The following OLFM2 variants were observed in gnomAD, a reference collection of about 807,000 sequenced individuals.
OLFM2 encodes olfactomedin 2.
OLFM2 carries 20 observed loss-of-function variants against 43.9 expected under a neutral mutation model. The observed-to-expected ratio is 0.46, with a 90% CI of 0.32 to 0.66. The LOEUF is 0.66. Ranked by LOEUF, OLFM2 falls within the 30% of genes least tolerant of loss-of-function variation. The pLI is 0.04. For synonymous variants in OLFM2, 268 were observed against 278.6 expected (o/e 0.96, Z 0.38); for missense variants, 416 against 643.6 (o/e 0.65, Z 3.83).
chr19:9,910,563 AT>A (rs2046819368), intron 1 of OLFM2, among the ~76,000 whole-genome samples: 1 of 152,216 alleles, frequency 6.6e-6, no homozygotes, highest in African/African-American at 2.4e-5. Flanking sequence ...TCTTAAAAAA[AT>A]AGTTTTGTGG....
intron 1 of OLFM2, among the ~76,000 whole-genome samples, chr19:9,886,483 C>T (rs999306839): frequency 2.0e-4 from 30 of 151,754 alleles, no homozygotes; most frequent in Non-Finnish European, 7.4e-5. Context: ...TTGGTATTAC[C>T]GCACTGGGCC....
In OLFM2 at chr19:9,921,912, G is replaced by A. The variant is rs963300734; in HGVS notation, c.63+14392C>T. Among the ~76,000 whole-genome samples the A allele has an allele frequency of 4.6e-5, 7 of 152,074 alleles. No individual in the cohort carries two copies. The South Asian group carries it at 6.2e-4, about 14-fold the overall frequency. The stretch of plus-strand genomic sequence containing the variant: ...AATTTGAGACCAGCCTGGGCAACAC[G>A]GTGAAACACCATCTCTAAAAAAACT... On this transcript the variant is annotated intron_variant, in intron 1 of 5. Coordinates refer to ENST00000264833, the MANE Select transcript of OLFM2 (RefSeq NM_058164.4).
At chr19:9,861,365 C>T (rs935853202) in intron 1 of OLFM2, among the ~76,000 whole-genome samples, 1 of 151,866 alleles carries the variant, frequency 6.6e-6, no homozygotes, top group Non-Finnish European at 1.5e-5. Flanking sequence ...CAGAGTGAGA[C>T]CCTGTCTCAC....
rs543442669 is a variant in OLFM2 at position 9,857,361 on chromosome 19, G to A, written c.482C>T (p.Ala161Val). The change falls in exon 4 of 6, where the codon GCG becomes GTG. Residue 161 changes from alanine (A) to valine (V), a missense_variant. Transcript: ENST00000264833. The surrounding 1 kb of genome is among the most constrained non-coding windows in gnomAD (Gnocchi z 5.7). Reference protein sequence around the residue: ...EEVRNLSGSLAAIQEEMGAYG... With the variant: ...EEVRNLSGSLVAIQEEMGAYG... ...GGCACCCATCTCCTCCTGAATGGCCGCCAGACTGCCGGAGAGATTCCTCAC... is the reference window on the plus strand; with the variant it reads ...GGCACCCATCTCCTCCTGAATGGCCACCAGACTGCCGGAGAGATTCCTCAC... 18 of 1,614,150 alleles carry A rather than the reference G, an allele frequency of 1.1e-5. No homozygotes were observed. The highest frequency in any genetic ancestry group is 4.5e-5 in the East Asian group (2 of 44,876).
rs115884947 is a variant in OLFM2 at position 9,870,772 on chromosome 19, C to A, written c.64-9978G>T. Among the ~76,000 whole-genome samples, 1,214 of 152,296 alleles carry A rather than the reference C, an allele frequency of 8.0e-3. 17 individuals are homozygous for A. Among genetic ancestry groups the A allele is most frequent in the African/African-American group, 0.028 (1,146 of 41,560 alleles). On this transcript the variant is annotated intron_variant, in intron 1 of 5. Transcript: ENST00000264833. ...TCCCTGCCACGCGTTACCCTCCTCTCAAGTCACCCGGGAGGTGGAGGTTGC... is the reference window on the plus strand; with the variant it reads ...TCCCTGCCACGCGTTACCCTCCTCTAAAGTCACCCGGGAGGTGGAGGTTGC...
chr19:9,901,152 GAAAA>G (rs1397093030), intron 1 of OLFM2, among the ~76,000 whole-genome samples: 2 of 137,022 alleles, frequency 1.5e-5, no homozygotes, highest in Non-Finnish European at 3.1e-5. Flanking sequence ...AAGAAGGAAA[GAAAA>G]AGAAAGAAAG....
Position 9,876,752 on chromosome 19 carries a change from G to A in OLFM2, c.64-15958C>T, listed in dbSNP as rs1317344543. ...CTGTGCCTCCGTTCCCCCAGTTAGA[G>A]TATATAGCTAAGAATAGTACTGATG... On this transcript the variant is annotated intron_variant, in intron 1 of 5. Transcript: ENST00000264833. Among the ~76,000 whole-genome samples, 3 of 152,162 alleles carry A rather than the reference G, an allele frequency of 2.0e-5. No homozygotes were observed. In the East Asian group the frequency reaches 5.8e-4, roughly 29 times the overall value.
intron 1 of OLFM2, among the ~76,000 whole-genome samples, chr19:9,901,067 G>A (rs1369544372): frequency 1.1e-5 from 1 of 92,364 alleles, no homozygotes; most frequent in African/African-American, 4.4e-5. Context: ...AGGGAGGGAA[G>A]GGAGGGAAAG....
At chr19:9,916,462 A>C (rs2046877099) in intron 1 of OLFM2, among the ~76,000 whole-genome samples, 1 of 152,206 alleles carries the variant, frequency 6.6e-6, no homozygotes, top group African/African-American at 2.4e-5. Context: ...CAACATCCAT[A>C]AACAGTACAG....
At position 9,857,802 on chromosome 19, in the gene OLFM2, C is replaced by T; in HGVS notation, c.273G>A (p.Gln91=). 6.2e-7 allele frequency: 1 copy of T among 1,614,140 alleles called. No homozygotes were observed. The highest frequency in any genetic ancestry group is 8.5e-7 in the Non-Finnish European group (1 of 1,180,030). ...TGAGGGTCTCCATGCCGCGTACATA[C>T]TGGAGGTCGCGATACGTCCGCAACT... is the stretch of plus-strand genomic sequence containing the variant. ...VLELRTYRDL[Q]YVRGMETLMR... The change falls in exon 3 of 6, where the codon CAG becomes CAA. Residue 91 remains glutamine (Q), a synonymous_variant. Coordinates refer to ENST00000264833, the MANE Select transcript of OLFM2 (RefSeq NM_058164.4). This position sits in a 1 kb window ranked among gnomAD's most constrained non-coding sequence, Gnocchi z 5.7.
chr19:9,935,848 C>G (rs1482660668), intron 1 of OLFM2, among the ~76,000 whole-genome samples: 3 of 152,096 alleles, frequency 2.0e-5, no homozygotes, highest in African/African-American at 7.2e-5. Context: ...ACACGCGTCC[C>G]CGTCAGTCAC....
At chr19:9,901,508 C>A (rs1266653446) in intron 1 of OLFM2, among the ~76,000 whole-genome samples, 1 of 152,150 alleles carries the variant, frequency 6.6e-6, no homozygotes. Context: ...GTGCTCAGGG[C>A]TCTGTATTCC....
rs139452832 is a variant in OLFM2, at chr19:9,857,736, G to T, written c.339C>A (p.Ser113=). The T allele has an allele frequency of 1.0e-4, 167 of 1,613,984 alleles. No individual in the cohort carries two copies. Among genetic ancestry groups the T allele is most frequent in the Non-Finnish European group, 1.4e-4 (162 of 1,180,020 alleles). Residue 113 remains serine (S), a synonymous_variant, in exon 3 of 6, where the codon TCC becomes TCA. Coordinates refer to ENST00000264833, the MANE Select transcript of OLFM2 (RefSeq NM_058164.4). The surrounding 1 kb of genome is among the most constrained non-coding windows in gnomAD (Gnocchi z 5.7). ...LDARLRAADG[S]LSAKSFQELK... is the part of the protein sequence containing the mutation. ...CCACCTGGAAGCTCTTGGCCGAGAGGGACCCATCAGCTGCCCGGAGCCGCG... is the reference window on the plus strand; with the variant it reads ...CCACCTGGAAGCTCTTGGCCGAGAGTGACCCATCAGCTGCCCGGAGCCGCG...
chr19:9,863,687 G>A (rs1041845296), intron 1 of OLFM2, among the ~76,000 whole-genome samples: 26 of 151,180 alleles, frequency 1.7e-4, no homozygotes, highest in Admixed American at 9.3e-4. Flanking sequence ...AATTATGAGC[G>A]ATCCCGGGGA....
chr19:9,891,187 G>T (rs1042573452), intron 1 of OLFM2, among the ~76,000 whole-genome samples: 1 of 150,486 alleles, frequency 6.6e-6, no homozygotes, highest in Non-Finnish European at 1.5e-5. Flanking sequence ...GGTGGTGGGT[G>T]CCTGTAATCC....
intron 1 of OLFM2, among the ~76,000 whole-genome samples, chr19:9,867,798 T>G (rs1385869157): frequency 6.6e-6 from 1 of 152,204 alleles, no homozygotes; most frequent in East Asian, 1.9e-4. Context: ...CCATGGAAAC[T>G]TTGTGGACAG....
At chr19:9,901,038 G>T (rs2046732623) in intron 1 of OLFM2, among the ~76,000 whole-genome samples, 1 of 65,210 alleles carries the variant, frequency 1.5e-5, no homozygotes, top group Non-Finnish European at 3.1e-5. Flanking sequence ...AAGGAAGCGG[G>T]GAGGGAGGGA....
chr19:9,858,232 C>CT, intron 2 of OLFM2: 2 of 351,894 alleles, frequency 5.7e-6, no homozygotes, highest in Admixed American at 7.9e-5. Context: ...CCTGCCCACC[C>CT]CCCCCGCCCA....
At chr19:9,888,922 C>T (rs931747760) in intron 1 of OLFM2, among the ~76,000 whole-genome samples, 2 of 152,026 alleles carry the variant, frequency 1.3e-5, no homozygotes, top group Non-Finnish European at 2.9e-5. Flanking sequence ...AAAAATTAGC[C>T]GGGCATGGTG....
Sources: gnomAD v4.1 joint callset for allele counts (sites outside exome capture counted in the v4.1 genomes callset) on GRCh38, gnomAD v4.1.1 for gene constraint, Gnocchi (gnomAD v3.1) non-coding constraint, MANE v1.5 for transcripts, NCBI Gene and HGNC (gene_info 2026-07-23, HGNC 2026-07-21) for gene names.